The following RAP1GAP2 variants were observed in gnomAD, a reference collection of about 807,000 sequenced individuals.
RAP1GAP2 encodes the protein rap1 GTPase-activating protein 2.
Under a neutral mutation model 95.0 loss-of-function variants are expected in RAP1GAP2, and 27 were observed. That is an observed-to-expected ratio of 0.28 (90% CI 0.21 to 0.39). The LOEUF is 0.39. RAP1GAP2 is among the 10% of genes least tolerant of loss of function. The pLI, the probability that RAP1GAP2 is intolerant of heterozygous loss-of-function variation, is 1.00. For synonymous variants in RAP1GAP2, 373 were observed against 380.9 expected (o/e 0.98, Z 0.24); for missense variants, 771 against 970.0 (o/e 0.79, Z 2.72).
chr17:2,931,279 CTTGTGTGTGT>C (rs2043142975), intron 3 of RAP1GAP2, among the ~76,000 whole-genome samples: 1 of 84,322 alleles, frequency 1.2e-5, no homozygotes, highest in Non-Finnish European at 2.7e-5. Flanking sequence ...GTGAGTGTTT[CTTGTGTGTGT>C]GTGTGTGTGT....
At position 2,994,170 on chromosome 17, in the gene RAP1GAP2, C is replaced by A. The variant is rs148923312; in HGVS notation, c.915-1167C>A. On this transcript the variant is annotated intron_variant, in intron 12 of 24. Transcript: ENST00000254695. ...GGCCTAGAGAGACTAAATGAATTGT[C>A]CACGATCACGTGCTGATTTAGTGGC... 4.9e-3 allele frequency among the ~76,000 whole-genome samples: 750 copies of A among 152,268 alleles called. 4 individuals are homozygous for A. The highest frequency in any genetic ancestry group is 0.021 in the South Asian group (100 of 4,818).
chr17:3,023,496 G>A (rs981073575), intron 19 of RAP1GAP2, among the ~76,000 whole-genome samples: 1 of 152,192 alleles, frequency 6.6e-6, no homozygotes, highest in Non-Finnish European at 1.5e-5. Flanking sequence ...TCTGAAGTAG[G>A]GCTTGCAGGA....
intron 12 of RAP1GAP2, among the ~76,000 whole-genome samples, chr17:2,992,371 A>G (rs2045793187): frequency 6.6e-6 from 1 of 151,946 alleles, no homozygotes; most frequent in Non-Finnish European, 1.5e-5. Context: ...CATGCTAGCC[A>G]GGATGGTCTC....
intron 3 of RAP1GAP2, among the ~76,000 whole-genome samples, chr17:2,914,796 T>A (rs545814516): frequency 7.8e-6 from 1 of 127,828 alleles, no homozygotes; most frequent in East Asian, 2.3e-4. Flanking sequence ...GGCCACTTCT[T>A]TTTTTTTTTT....
chr17:2,913,984 C>A (rs930624254), intron 3 of RAP1GAP2, among the ~76,000 whole-genome samples: 2 of 152,080 alleles, frequency 1.3e-5, no homozygotes, highest in African/African-American at 4.8e-5. Context: ...GATTCTCCTG[C>A]CTCAGCCTCC....
intron 16 of RAP1GAP2, among the ~76,000 whole-genome samples, chr17:3,007,690 G>A (rs529918687): frequency 1.3e-5 from 2 of 152,304 alleles, no homozygotes; most frequent in South Asian, 2.1e-4. Context: ...AGTTGGGTGC[G>A]TGGATGTGGA....
chr17:3,011,774 C>A (rs965809812), intron 17 of RAP1GAP2, among the ~76,000 whole-genome samples: 2 of 152,044 alleles, frequency 1.3e-5, no homozygotes, highest in Non-Finnish European at 2.9e-5. Context: ...TGCCCGCCAC[C>A]ACACATGGCT....
chr17:2,789,893 C>T (rs967530236), intron 1 of RAP1GAP2, among the ~76,000 whole-genome samples: 1 of 151,970 alleles, frequency 6.6e-6, no homozygotes, highest in Non-Finnish European at 1.5e-5. Context: ...AATCTGCCAT[C>T]ATCTTGCTTT....
rs1339063248 is a variant in RAP1GAP2 at position 2,869,907 on chromosome 17, G to T, written c.81-35377G>T. Among the ~76,000 whole-genome samples, 42 of 152,192 alleles carry T rather than the reference G, an allele frequency of 2.8e-4. 1 individual carries two copies. Among genetic ancestry groups the T allele is most frequent in the Admixed American group, 2.7e-3 (42 of 15,278 alleles). ...CAGCAAGTGGCCCAGGTGGAACGTG[G>T]CTCCGGGCCACGTGAGTGGAGGGCT... On this transcript the variant is annotated intron_variant, in intron 2 of 24. Coordinates refer to ENST00000254695, the MANE Select transcript of RAP1GAP2 (RefSeq NM_015085.5).
At chr17:2,910,798 T>A (rs1449985402) in intron 3 of RAP1GAP2, among the ~76,000 whole-genome samples, 1 of 152,162 alleles carries the variant, frequency 6.6e-6, no homozygotes, top group Non-Finnish European at 1.5e-5. Context: ...CGATCTCGGC[T>A]CCCTGCAACC....
chr17:2,990,797 T>C (rs1283469638), intron 11 of RAP1GAP2, among the ~76,000 whole-genome samples: 1 of 152,014 alleles, frequency 6.6e-6, no homozygotes, highest in African/African-American at 2.4e-5. Flanking sequence ...TGGGAAGTGG[T>C]ATATCATTGT....
intron 19 of RAP1GAP2, among the ~76,000 whole-genome samples, chr17:3,022,587 T>G (rs1157245330): frequency 1.3e-5 from 2 of 152,260 alleles, no homozygotes; most frequent in African/African-American, 2.4e-5. Context: ...ATTATTTGTG[T>G]TTTTGCTATT....
intron 20 of RAP1GAP2, 78 bp downstream of exon 20, chr17:3,026,199 G>T: frequency 7.5e-7 from 1 of 1,342,256 alleles, no homozygotes; most frequent in Non-Finnish European, 1.1e-6. Context: ...CTGGCCAGCT[G>T]AGAGTGGCCA....
At chr17:3,007,424 T>C (rs530006829) in intron 16 of RAP1GAP2, among the ~76,000 whole-genome samples, 1 of 152,278 alleles carries the variant, frequency 6.6e-6, no homozygotes, top group East Asian at 1.9e-4. Context: ...AGGCTTATAC[T>C]GTATGGAAGG....
chr17:2,966,547 G>A (rs936101174), intron 8 of RAP1GAP2, among the ~76,000 whole-genome samples: 1 of 152,146 alleles, frequency 6.6e-6, no homozygotes, highest in African/African-American at 2.4e-5. Context: ...ATAAATATTG[G>A]AGGGAATAAG....
rs113761282 is a variant in RAP1GAP2 at position 3,033,071 on chromosome 17, A to G, written c.*31-321A>G. 1,372 of 154,426 alleles carry G rather than the reference A, an allele frequency of 8.9e-3. 35 individuals carry two copies. The East Asian group carries it at 0.097, about 11-fold the overall frequency. 9.6% of individuals were successfully genotyped at this position (154,426 alleles called of 1,614,324 possible). The stretch of plus-strand genomic sequence containing the variant: ...GGTCAGAGTCACAGCTGGAGCCAAG[A>G]GGAGGGGTACAACCGAACCCACTCT... On this transcript the variant is annotated intron_variant, in intron 24 of 24. Transcript: ENST00000254695. This position sits in a 1 kb window ranked among gnomAD's most constrained non-coding sequence, Gnocchi z 4.9.
chr17:2,932,208 G>A (rs1389991310), intron 3 of RAP1GAP2, among the ~76,000 whole-genome samples: 21 of 152,168 alleles, frequency 1.4e-4, no homozygotes, highest in Admixed American at 1.4e-3. Context: ...TGGGGGATGG[G>A]ACGCTGTGTT....
In RAP1GAP2 at chr17:2,980,910, C is replaced by A. The variant is rs532257215; in HGVS notation, c.676-285C>A. ...AATGTCACAGAATTGTGCTGGAAAC[C>A]TTTGGTGGCAGTTGTGGGCTGGATA... On this transcript the variant is annotated intron_variant, in intron 9 of 24. Transcript: ENST00000254695. 3.9e-5 allele frequency among the ~76,000 whole-genome samples: 6 copies of A among 152,314 alleles called. No individual in the cohort carries two copies. In the South Asian group the frequency reaches 1.0e-3, roughly 26 times the overall value.
intron 8 of RAP1GAP2, among the ~76,000 whole-genome samples, chr17:2,973,011 A>G (rs909575534): frequency 3.9e-5 from 6 of 152,152 alleles, no homozygotes; most frequent in African/African-American, 1.2e-4. Flanking sequence ...ATTATAGGCT[A>G]GTGAGGCTGA....
Sources: gnomAD v4.1 joint callset for allele counts (sites outside exome capture counted in the v4.1 genomes callset) on GRCh38, gnomAD v4.1.1 for gene constraint, Gnocchi (gnomAD v3.1) non-coding constraint, MANE v1.5 for transcripts, NCBI Gene and HGNC (gene_info 2026-07-23, HGNC 2026-07-21) for gene names.